The following RPL37 variants were observed in gnomAD, a reference collection of about 807,000 sequenced individuals.
The protein encoded by RPL37 is large ribosomal subunit protein eL37.
In RPL37, 1 loss-of-function variant was observed where a neutral mutation model predicts 14.8. The observed-to-expected ratio is 0.07, with a 90% CI of 0.02 to 0.32. The LOEUF is 0.32. Among genes scored for constraint, RPL37 ranks in the 10% least tolerant of loss-of-function variants. The probability of loss-of-function intolerance (pLI) is 1.00; values close to 1 mark genes in which losing one functional copy is unlikely to be tolerated. For synonymous variants in RPL37, 53 were observed against 45.8 expected (o/e 1.16, Z -0.63); for missense variants, 100 against 128.3 (o/e 0.78, Z 1.06).
rs1745611954 is a variant in RPL37 at position 40,830,174 on chromosome 5, A to C, written c.*2330T>G. On this transcript the variant is annotated 3_prime_UTR_variant, in exon 4 of 4. Coordinates refer to ENST00000274242, the MANE Select transcript of RPL37 (RefSeq NM_000997.5). ...GCAGATGGGGTACTTAGGAAAAATAAATTTAACATTTTTGCACACCAACAT... is the reference window on the plus strand; with the variant it reads ...GCAGATGGGGTACTTAGGAAAAATACATTTAACATTTTTGCACACCAACAT... 6.6e-6 allele frequency: 1 copy of C among 152,204 alleles called. No homozygotes were observed. 9.4% of individuals were successfully genotyped at this position (152,204 alleles called of 1,614,324 possible).
rs766005572 is a variant in RPL37 at position 40,835,214 on chromosome 5, C to A, written c.-29G>T. 6.2e-7 allele frequency: 1 copy of A among 1,613,780 alleles called. No individual in the cohort carries two copies. Among genetic ancestry groups the A allele is most frequent in the Non-Finnish European group, 8.5e-7 (1 of 1,179,950 alleles). ...GCTTCTGCGGCCGAGACCAGAAAGA[C>A]CGGAAGAGAAGGCACTTCCGCTATA... On this transcript the variant is annotated 5_prime_UTR_variant, in exon 1 of 4. Coordinates refer to ENST00000274242, the MANE Select transcript of RPL37 (RefSeq NM_000997.5).
At position 40,829,248 on chromosome 5, in the gene RPL37, G is replaced by C. The variant is rs1745585547; in HGVS notation, c.*3256C>G. 1 of 152,202 alleles carries C rather than the reference G, an allele frequency of 6.6e-6. No individual in the cohort carries two copies. The highest frequency in any genetic ancestry group is 1.5e-5 in the Non-Finnish European group (1 of 68,036). 9.4% of individuals were successfully genotyped at this position (152,202 alleles called of 1,614,324 possible). A position where few individuals can be genotyped will look rare whatever the true frequency, so the allele number is the denominator to read the frequency against. On this transcript the variant is annotated 3_prime_UTR_variant, in exon 4 of 4. Transcript: ENST00000274242. Reference sequence around the variant, plus strand: ...CATGATTTTCACATGAACTATTTAAGAACCTGTTACCTAGTTTCCAGCTTC... The same window carrying C: ...CATGATTTTCACATGAACTATTTAACAACCTGTTACCTAGTTTCCAGCTTC...
Position 40,828,700 on chromosome 5 carries a change from T to C in RPL37, c.*3804A>G, listed in dbSNP as rs1465732548. 1 of 152,224 alleles carries C rather than the reference T, an allele frequency of 6.6e-6. No individual in the cohort carries two copies. The highest frequency in any genetic ancestry group is 2.4e-5 in the African/African-American group (1 of 41,456). The allele number at this position is 152,224 out of a possible 1,614,324, so 9.4% of individuals were successfully genotyped here. On this transcript the variant is annotated 3_prime_UTR_variant, in exon 4 of 4. Coordinates refer to ENST00000274242, the MANE Select transcript of RPL37 (RefSeq NM_000997.5). ...CATTCTCTTTGGCCTCAGCCACATG[T>C]GACTGAGTGCCCCCCTCAAACAATC...
rs959432207 is a variant in RPL37 at position 40,829,167 on chromosome 5, T to C, written c.*3337A>G. On this transcript the variant is annotated 3_prime_UTR_variant, in exon 4 of 4. Coordinates refer to ENST00000274242, the MANE Select transcript of RPL37 (RefSeq NM_000997.5). Reference sequence around the variant, plus strand: ...GCTACTCACTTGCACATTCAAGTTTTAGATGTTTTCTGTAGAGAACTCCCG... The same window carrying C: ...GCTACTCACTTGCACATTCAAGTTTCAGATGTTTTCTGTAGAGAACTCCCG... The C allele has an allele frequency of 3.3e-5, 5 of 152,220 alleles. No homozygotes were observed. The highest frequency in any genetic ancestry group is 7.2e-5 in the African/African-American group (3 of 41,466). The allele number at this position is 152,220 out of a possible 1,614,324, so 9.4% of individuals were successfully genotyped here.
In RPL37 at chr5:40,830,279, T is replaced by C. The variant is rs1745614194; in HGVS notation, c.*2225A>G. On this transcript the variant is annotated 3_prime_UTR_variant, in exon 4 of 4. Coordinates refer to ENST00000274242, the MANE Select transcript of RPL37 (RefSeq NM_000997.5). The stretch of plus-strand genomic sequence containing the variant: ...ATGGGTATCTATACATAACTATAAC[T>C]TAAGGCAGGACTGAAGTGCTGTTAA... 3 of 152,170 alleles carry C rather than the reference T, an allele frequency of 2.0e-5. No individual in the cohort carries two copies. The highest frequency in any genetic ancestry group is 4.1e-4 in the South Asian group (2 of 4,832). 9.4% of individuals were successfully genotyped at this position (152,170 alleles called of 1,614,324 possible).
intron 3 of RPL37, 66 bp from the exon 4 acceptor site, chr5:40,832,639 T>G (rs770201553): frequency 8.3e-6 from 10 of 1,201,724 alleles, no homozygotes; most frequent in Admixed American, 1.7e-5. Flanking sequence ...TTAATTTTTG[T>G]TAAACAGATT....
intron 3 of RPL37, 150 bp downstream of exon 3, chr5:40,834,031 T>G: frequency 1.6e-6 from 1 of 643,028 alleles, no homozygotes; most frequent in Non-Finnish European, 2.7e-6. Context: ...GGCAACATAG[T>G]GAAACCCTGC....
In RPL37 at chr5:40,826,945, T is replaced by C. The variant is rs995322933; in HGVS notation, c.*5559A>G. On this transcript the variant is annotated 3_prime_UTR_variant, in exon 4 of 4. Coordinates refer to ENST00000274242, the MANE Select transcript of RPL37 (RefSeq NM_000997.5). ...GGCACATACCACCATGCCTGGCTAA[T>C]TTTTTGTATTTTTAATGGAGAAGAG... The C allele has an allele frequency of 2.0e-5, 3 of 152,092 alleles. No individual in the cohort carries two copies. Among genetic ancestry groups the C allele is most frequent in the Non-Finnish European group, 4.4e-5 (3 of 68,062 alleles). The allele number at this position is 152,092 out of a possible 1,614,324, so 9.4% of individuals were successfully genotyped here. A position where few individuals can be genotyped will look rare whatever the true frequency, so the allele number is the denominator to read the frequency against.
rs1745548133 is a variant in RPL37 at position 40,827,707 on chromosome 5, A to AT, written c.*4796dup. 1 of 151,408 alleles carries AT rather than the reference A, an allele frequency of 6.6e-6. No homozygotes were observed. The highest frequency in any genetic ancestry group is 1.5e-5 in the Non-Finnish European group (1 of 67,874). 9.4% of individuals were successfully genotyped at this position (151,408 alleles called of 1,614,324 possible). A position where few individuals can be genotyped will look rare whatever the true frequency, so the allele number is the denominator to read the frequency against. ...AAACATCCTTCTACTTACAAGGAAG[A>AT]TTTTGCTTAAGTCCTTCCTTTATCC... On this transcript the variant is annotated 3_prime_UTR_variant, in exon 4 of 4. Coordinates refer to ENST00000274242, the MANE Select transcript of RPL37 (RefSeq NM_000997.5).
chr5:40,833,620 C>T (rs1304788600), intron 3 of RPL37, among the ~76,000 whole-genome samples: 1 of 152,178 alleles, frequency 6.6e-6, no homozygotes, highest in African/African-American at 2.4e-5. Flanking sequence ...TGAACCAAGC[C>T]TGACTCCAGA....
chr5:40,835,092 G>T lies in RPL37; in HGVS notation c.3+91C>A, dbSNP rs551456771. 4 of 1,574,268 alleles carry T rather than the reference G, an allele frequency of 2.5e-6. No individual in the cohort carries two copies. In the South Asian group the frequency reaches 4.5e-5, roughly 18 times the overall value. On this transcript the variant is annotated intron_variant, in intron 1 of 3. Transcript: ENST00000274242. ...TCCAGCCCACCAGTTCCCCTTATCC[G>T]GAATCTTGCCAGCCCCCCAAGCACA...
At position 40,834,493 on chromosome 5, in the gene RPL37, G is replaced by A. The variant is rs6495; in HGVS notation, c.117C>T (p.Tyr39=). ...LQKSTCGKCG[Y]PAKRKRKYNW... ...TACACTTTCTCTTGCGCTTGGCAGG[G>A]TAGCCACATTTGCCACAGGTCGACT... The change falls in exon 2 of 4, where the codon TAC becomes TAT. Residue 39 remains tyrosine (Y), a synonymous_variant. Transcript: ENST00000274242. The A allele has an allele frequency of 4.4e-4, 711 of 1,613,528 alleles. 3 individuals carry two copies. In the African/African-American group the frequency reaches 8.4e-3, roughly 19 times the overall value.
At chr5:40,833,402 T>C (rs946961090) in intron 3 of RPL37, among the ~76,000 whole-genome samples, 2 of 152,248 alleles carry the variant, frequency 1.3e-5, no homozygotes, top group African/African-American at 4.8e-5. Context: ...GTCTGCATCA[T>C]TCTGAATCTT....
rs2112147182 is a variant in RPL37, at chr5:40,825,531, C to T, written c.*6973G>A. ...TGAGGCTTCTGGCTTCTTATCTCTC[C>T]TCTCTTGGGGAGCTGCTGCTTCTCT... On this transcript the variant is annotated 3_prime_UTR_variant, in exon 4 of 4. Transcript: ENST00000274242. The T allele has an allele frequency of 1.3e-5, 2 of 152,334 alleles. No individual in the cohort carries two copies. Among genetic ancestry groups the T allele is most frequent in the African/African-American group, 4.8e-5 (2 of 41,550 alleles). The allele number at this position is 152,334 out of a possible 1,614,324, so 9.4% of individuals were successfully genotyped here.
At position 40,827,067 on chromosome 5, in the gene RPL37, C is replaced by T. The variant is rs1364448232; in HGVS notation, c.*5437G>A. ...GTGCTGGGATGACAAGCATGAACCT[C>T]CGAACCTGGCAGAGTATTTTAAATT... On this transcript the variant is annotated 3_prime_UTR_variant, in exon 4 of 4. Coordinates refer to ENST00000274242, the MANE Select transcript of RPL37 (RefSeq NM_000997.5). 1 of 152,268 alleles carries T rather than the reference C, an allele frequency of 6.6e-6. No individual in the cohort carries two copies. The highest frequency in any genetic ancestry group is 1.5e-5 in the Non-Finnish European group (1 of 68,098). The allele number at this position is 152,268 out of a possible 1,614,324, so 9.4% of individuals were successfully genotyped here. A position where few individuals can be genotyped will look rare whatever the true frequency, so the allele number is the denominator to read the frequency against.
chr5:40,830,479 ATT>A lies in RPL37; in HGVS notation c.*2023_*2024del, dbSNP rs1554036175. 6.7e-6 allele frequency: 1 copy of A among 150,138 alleles called. No individual in the cohort carries two copies. Among genetic ancestry groups the A allele is most frequent in the Non-Finnish European group, 1.5e-5 (1 of 67,846 alleles). 9.3% of individuals were successfully genotyped at this position (150,138 alleles called of 1,614,324 possible). On this transcript the variant is annotated 3_prime_UTR_variant, in exon 4 of 4. Transcript: ENST00000274242. Reference sequence around the variant, plus strand: ...ACTGCTTATTTTGTTTCATTTGAAAATTTGAGTCATTAGTTCAAGGATTTTTT... The same window carrying A: ...ACTGCTTATTTTGTTTCATTTGAAAATGAGTCATTAGTTCAAGGATTTTTT...
At position 40,826,433 on chromosome 5, in the gene RPL37, G is replaced by A. The variant is rs952165025; in HGVS notation, c.*6071C>T. The A allele has an allele frequency of 3.3e-5, 5 of 152,128 alleles. No homozygotes were observed. Among genetic ancestry groups the A allele is most frequent in the Non-Finnish European group, 7.4e-5 (5 of 68,016 alleles). 9.4% of individuals were successfully genotyped at this position (152,128 alleles called of 1,614,324 possible). On this transcript the variant is annotated 3_prime_UTR_variant, in exon 4 of 4. Transcript: ENST00000274242. ...CCTCAGCCATATCAAGGATACAGAA[G>A]GGGTCTAGGATAGAGACCAATGAAG...
In RPL37 at chr5:40,827,774, TTC is replaced by T. The variant is rs1178392393; in HGVS notation, c.*4728_*4729del. 6.6e-6 allele frequency: 1 copy of T among 151,706 alleles called. No individual in the cohort carries two copies. The highest frequency in any genetic ancestry group is 1.5e-5 in the Non-Finnish European group (1 of 67,944). 9.4% of individuals were successfully genotyped at this position (151,706 alleles called of 1,614,324 possible). On this transcript the variant is annotated 3_prime_UTR_variant, in exon 4 of 4. Transcript: ENST00000274242. ...TGGAGTCTCGCTCTGCCGCCCGCCG[TTC>T]TCTCAGCTCACTGCAACCTCTGCCC...
rs1182155633 is a variant in RPL37, at chr5:40,835,192, T to C, written c.-7A>G. 1 of 1,614,128 alleles carries C rather than the reference T, an allele frequency of 6.2e-7. No individual in the cohort carries two copies. ...CACAGTCACAACTCACCATCTCGCT[T>C]CTGCGGCCGAGACCAGAAAGACCGG... On this transcript the variant is annotated 5_prime_UTR_variant, in exon 1 of 4. Coordinates refer to ENST00000274242, the MANE Select transcript of RPL37 (RefSeq NM_000997.5).
Sources: gnomAD v4.1 joint callset for allele counts (sites outside exome capture counted in the v4.1 genomes callset) on GRCh38, gnomAD v4.1.1 for gene constraint, MANE v1.5 for transcripts, NCBI Gene and HGNC (gene_info 2026-07-23, HGNC 2026-07-21) for gene names.